The following DCC variants were observed in gnomAD, a reference collection of about 807,000 sequenced individuals.
DCC encodes the protein DCC netrin 1 receptor, also known as netrin receptor DCC.
A neutral mutation model predicts 172.5 loss-of-function variants in DCC; 58 were observed. The observed-to-expected ratio is 0.34, with a 90% CI of 0.27 to 0.42. DCC has a LOEUF of 0.42. Ranked by LOEUF, DCC falls within the 10% of genes least tolerant of loss-of-function variation. The pLI is 1.00. For missense variants in DCC, 1,740 were observed against 1,791.0 expected (o/e 0.97, Z 0.51); for synonymous variants, 709 against 644.5 (o/e 1.10, Z -1.52).
chr18:52,514,706 C>T (rs2031564928), intron 1 of DCC, among the ~76,000 whole-genome samples: 2 of 151,954 alleles, frequency 1.3e-5, no homozygotes, highest in Admixed American at 1.3e-4. Flanking sequence ...ATTTTCCAGG[C>T]ATAAGAATAG....
At chr18:52,810,198 T>C (rs16955534) in intron 2 of DCC, among the ~76,000 whole-genome samples, 11,530 of 152,226 alleles carry the variant, frequency 0.076, 1,397 homozygotes, top group African/African-American at 0.26. Flanking sequence ...GCATCACCAA[T>C]GACCCACTTC....
At position 52,923,699 on chromosome 18, in the gene DCC, C is replaced by T; in HGVS notation, c.698-8C>T. On this transcript the variant is annotated splice_polypyrimidine_tract_variant and splice_region_variant and intron_variant, in intron 3 of 28. Coordinates refer to ENST00000442544, the MANE Select transcript of DCC (RefSeq NM_005215.4). ...TATATCATATGATACTGTGTTTTCC[C>T]CTCATAGATCCAGGACTGCATAGAC... 2.5e-6 allele frequency: 4 copies of T among 1,592,672 alleles called. No homozygotes were observed. Among genetic ancestry groups the T allele is most frequent in the Non-Finnish European group, 3.4e-6 (4 of 1,160,938 alleles).
chr18:53,231,127 C>T (rs907739084), intron 12 of DCC, among the ~76,000 whole-genome samples: 2 of 151,800 alleles, frequency 1.3e-5, no homozygotes, highest in Non-Finnish European at 2.9e-5. Flanking sequence ...CAACAGGAGT[C>T]GGAGGTTACA....
At chr18:53,354,078 C>T (rs1450581512) in intron 15 of DCC, among the ~76,000 whole-genome samples, 3 of 152,180 alleles carry the variant, frequency 2.0e-5, no homozygotes, top group Non-Finnish European at 2.9e-5. Context: ...CATGTCCCTA[C>T]AAAGGACATG....
At chr18:53,331,778 A>T (rs1196713375) in intron 14 of DCC, among the ~76,000 whole-genome samples, 2 of 152,168 alleles carry the variant, frequency 1.3e-5, no homozygotes, top group Non-Finnish European at 2.9e-5. Flanking sequence ...AAAGGGCTGA[A>T]TCCTATCTGT....
At chr18:52,495,768 ATTT>A (rs199884010) in intron 1 of DCC, among the ~76,000 whole-genome samples, 1 of 144,846 alleles carries the variant, frequency 6.9e-6, no homozygotes, top group Non-Finnish European at 1.5e-5. Flanking sequence ...TTATTTATGT[ATTT>A]TTTTTTTTTA....
rs1272376798 is a variant in DCC, at chr18:53,531,068, C to T, written c.*415C>T. 4.1e-6 allele frequency: 1 copy of T among 245,536 alleles called. No homozygotes were observed. The highest frequency in any genetic ancestry group is 8.1e-6 in the Non-Finnish European group (1 of 123,422). The allele number at this position is 245,536 out of a possible 1,614,324, so 15.2% of individuals were successfully genotyped here. A position where few individuals can be genotyped will look rare whatever the true frequency, so the allele number is the denominator to read the frequency against. On this transcript the variant is annotated 3_prime_UTR_variant, in exon 29 of 29. Transcript: ENST00000442544. ...TAAGCCTGTACCATGCCATGGCAAACCAGTGCAAGCTCACTATTTTGTTTT... is the reference window on the plus strand; with the variant it reads ...TAAGCCTGTACCATGCCATGGCAAATCAGTGCAAGCTCACTATTTTGTTTT...
intron 7 of DCC, among the ~76,000 whole-genome samples, chr18:53,094,644 A>T (rs2043059290): frequency 6.6e-6 from 1 of 152,194 alleles, no homozygotes; most frequent in Admixed American, 6.5e-5. Context: ...TTATATCTTC[A>T]TAAGAATGCA....
At chr18:52,809,241 C>T (rs924648015) in intron 2 of DCC, 1 of 152,302 alleles carries the variant, frequency 6.6e-6, no homozygotes, top group South Asian at 2.1e-4. Flanking sequence ...CAAGGACATA[C>T]CCTAAAGTAC....
chr18:52,489,777 CT>C (rs1434542486), intron 1 of DCC, among the ~76,000 whole-genome samples: 3 of 152,086 alleles, frequency 2.0e-5, no homozygotes, highest in Admixed American at 1.3e-4. Flanking sequence ...GAAGCTTCAC[CT>C]GGGAATGAAA....
intron 26 of DCC, among the ~76,000 whole-genome samples, chr18:53,498,759 T>C (rs2046058831): frequency 2.0e-5 from 3 of 152,196 alleles, no homozygotes; most frequent in Non-Finnish European, 4.4e-5. Flanking sequence ...ACTTTTTAGC[T>C]AGATGTGCCT....
intron 9 of DCC, among the ~76,000 whole-genome samples, chr18:53,186,323 C>G (rs946860311): frequency 6.6e-6 from 1 of 152,160 alleles, no homozygotes; most frequent in African/African-American, 2.4e-5. Context: ...CTAAGTAGAT[C>G]TGATTTGGGT....
intron 21 of DCC, among the ~76,000 whole-genome samples, chr18:53,420,413 GA>G (rs1302899450): frequency 1.3e-5 from 2 of 152,126 alleles, no homozygotes; most frequent in Non-Finnish European, 2.9e-5. Flanking sequence ...TTTATTTCAG[GA>G]AACAGGGATG....
chr18:52,836,570 C>A (rs548887662), intron 2 of DCC, among the ~76,000 whole-genome samples: 1 of 152,198 alleles, frequency 6.6e-6, no homozygotes, highest in Non-Finnish European at 1.5e-5. Flanking sequence ...AGTCATTAAA[C>A]CTTAAGGTTC....
chr18:52,698,329 C>T (rs1176515943), intron 1 of DCC, among the ~76,000 whole-genome samples: 1 of 152,164 alleles, frequency 6.6e-6, no homozygotes, highest in Non-Finnish European at 1.5e-5. Flanking sequence ...ATTCTCTTTG[C>T]TTCTTTAACT....
At chr18:52,818,533 T>C (rs2038346028) in intron 2 of DCC, among the ~76,000 whole-genome samples, 1 of 152,068 alleles carries the variant, frequency 6.6e-6, no homozygotes, top group Non-Finnish European at 1.5e-5. Flanking sequence ...ATCCTATTCA[T>C]AGTTTTATGC....
rs755118442 is a variant in DCC, at chr18:52,950,929, CAAAAAAAAAAAAAAAAAAAAAAA to C, written c.985+25579_985+25601del. Among the ~76,000 whole-genome samples the C allele has an allele frequency of 7.9e-3, 454 of 57,422 alleles. 10 individuals are homozygous for C. The highest frequency in any genetic ancestry group is 0.027 in the African/African-American group (414 of 15,508). 37.7% of individuals were successfully genotyped at this position (57,422 alleles called of 152,430 possible). A position where few individuals can be genotyped will look rare whatever the true frequency, so the allele number is the denominator to read the frequency against. ...TGGGCGACAGAGTGAGACTCCGTCT[CAAAAAAAAAAAAAAAAAAAAAAA>C]AAAAAAAAAAAAAAAAAAAGTCTGA... On this transcript the variant is annotated intron_variant, in intron 5 of 28. Coordinates refer to ENST00000442544, the MANE Select transcript of DCC (RefSeq NM_005215.4).
intron 5 of DCC, among the ~76,000 whole-genome samples, chr18:52,990,616 T>A (rs1305598859): frequency 3.3e-5 from 5 of 149,700 alleles, no homozygotes; most frequent in African/African-American, 1.2e-4. Context: ...AGAGATTGTA[T>A]AAATAAATTA....
intron 26 of DCC, among the ~76,000 whole-genome samples, chr18:53,498,112 C>T (rs2046048124): frequency 6.6e-6 from 1 of 152,292 alleles, no homozygotes; most frequent in South Asian, 2.1e-4. Flanking sequence ...AGTATAGATA[C>T]CCTCTGAAGA....
Sources: gnomAD v4.1 joint callset for allele counts (sites outside exome capture counted in the v4.1 genomes callset) on GRCh38, gnomAD v4.1.1 for gene constraint, MANE v1.5 for transcripts, NCBI Gene and HGNC (gene_info 2026-07-23, HGNC 2026-07-21) for gene names.